The following HPCAL1 variants were observed in gnomAD, a reference collection of about 807,000 sequenced individuals.
HPCAL1 encodes the protein hippocalcin like 1, also known as hippocalcin-like protein 1.
Under a neutral mutation model 17.1 loss-of-function variants are expected in HPCAL1, and 8 were observed. The observed-to-expected ratio is 0.47, with a 90% CI of 0.27 to 0.84. The LOEUF is 0.84. Ranked by LOEUF, HPCAL1 falls within the 40% of genes least tolerant of loss-of-function variation. HPCAL1 has a pLI of 0.13. For synonymous variants in HPCAL1, 112 were observed against 111.4 expected (o/e 1.01, Z -0.03); for missense variants, 165 against 271.1 (o/e 0.61, Z 2.75).
At chr2:10,400,054 G>C (rs543209057) in intron 2 of HPCAL1, among the ~76,000 whole-genome samples, 38 of 152,334 alleles carry the variant, frequency 2.5e-4, no homozygotes, top group South Asian at 2.1e-4. Context: ...GTCGGTTTTG[G>C]ATAGAGTGCT....
At chr2:10,383,493 G>A (rs1668100653) in intron 1 of HPCAL1, among the ~76,000 whole-genome samples, 1 of 152,070 alleles carries the variant, frequency 6.6e-6, no homozygotes, top group Non-Finnish European at 1.5e-5. Context: ...CTGCCAAGTA[G>A]CTGCGATTAC....
intron 1 of HPCAL1, among the ~76,000 whole-genome samples, chr2:10,326,041 G>A (rs1271422828): frequency 6.6e-6 from 1 of 152,246 alleles, no homozygotes; most frequent in Admixed American, 6.5e-5. Flanking sequence ...CCACGAGGCT[G>A]CAGAGGGCCA....
chr2:10,414,159 A>C (rs945528038), intron 2 of HPCAL1, among the ~76,000 whole-genome samples: 1 of 152,244 alleles, frequency 6.6e-6, no homozygotes, highest in Admixed American at 6.5e-5. Context: ...CCCACAGGCC[A>C]TGGTTGCTGC....
intron 1 of HPCAL1, among the ~76,000 whole-genome samples, chr2:10,373,071 C>T (rs1029958596): frequency 1.1e-4 from 16 of 152,356 alleles, no homozygotes; most frequent in East Asian, 9.6e-4. Context: ...CTCAGCCACA[C>T]GGCTGTGCAG....
intron 2 of HPCAL1, among the ~76,000 whole-genome samples, chr2:10,411,751 G>A (rs890945712): frequency 5.9e-5 from 9 of 152,220 alleles, no homozygotes; most frequent in Admixed American, 5.9e-4. Flanking sequence ...CCAAGGACAG[G>A]CTGATGTTTC....
chr2:10,399,474 ATCACCACCATCACCG>A, intron 2 of HPCAL1, among the ~76,000 whole-genome samples: 1 of 137,388 alleles, frequency 7.3e-6, no homozygotes, highest in Non-Finnish European at 1.6e-5. Context: ...CATCACCATC[ATCACCACCATCACCG>A]CCACCATCAC....
At chr2:10,391,894 G>A (rs770247703) in intron 1 of HPCAL1, among the ~76,000 whole-genome samples, 49 of 151,746 alleles carry the variant, frequency 3.2e-4, no homozygotes, top group African/African-American at 9.7e-4. Flanking sequence ...GATTACAGGC[G>A]CGTGCCACCA....
At chr2:10,412,897 C>T (rs547064229) in intron 2 of HPCAL1, among the ~76,000 whole-genome samples, 2 of 152,250 alleles carry the variant, frequency 1.3e-5, no homozygotes, top group East Asian at 1.9e-4. Flanking sequence ...GTCATAGGCA[C>T]AGTCTTTCTT....
At chr2:10,421,578 G>GTA (rs1329601201) in intron 3 of HPCAL1, among the ~76,000 whole-genome samples, 1 of 152,190 alleles carries the variant, frequency 6.6e-6, no homozygotes, top group African/African-American at 2.4e-5. Flanking sequence ...GCATGCACCT[G>GTA]TAGTCCCAGC....
At chr2:10,324,989 T>A (rs1339660145) in intron 1 of HPCAL1, among the ~76,000 whole-genome samples, 1 of 113,180 alleles carries the variant, frequency 8.8e-6, no homozygotes, top group Non-Finnish European at 1.9e-5. Flanking sequence ...CGCCCAGCAA[T>A]TTTTTTTTTT....
intron 2 of HPCAL1, among the ~76,000 whole-genome samples, chr2:10,403,161 G>C (rs189627841): frequency 6.6e-6 from 1 of 152,322 alleles, no homozygotes; most frequent in Admixed American, 6.5e-5. Flanking sequence ...CCCGGGGAGA[G>C]GGACACCAGT....
intron 1 of HPCAL1, among the ~76,000 whole-genome samples, chr2:10,370,203 C>A (rs1667123014): frequency 6.6e-6 from 1 of 152,242 alleles, no homozygotes; most frequent in Admixed American, 6.5e-5. Flanking sequence ...CTTCCCATTC[C>A]CCAAATCGCC....
intron 2 of HPCAL1, among the ~76,000 whole-genome samples, chr2:10,404,886 G>A (rs1047890442): frequency 1.3e-5 from 2 of 152,070 alleles, no homozygotes; most frequent in African/African-American, 2.4e-5. Flanking sequence ...AGAAGGGCTC[G>A]CCAGGCAGTG....
At chr2:10,379,146 G>A (rs980083675) in intron 1 of HPCAL1, among the ~76,000 whole-genome samples, 1 of 152,030 alleles carries the variant, frequency 6.6e-6, no homozygotes, top group African/African-American at 2.4e-5. Context: ...TGGCCAACAT[G>A]GTGAAACCCC....
intron 1 of HPCAL1, among the ~76,000 whole-genome samples, chr2:10,319,183 G>A (rs1663511833): frequency 6.6e-6 from 1 of 152,160 alleles, no homozygotes; most frequent in African/African-American, 2.4e-5. Context: ...GGGTTCCTGG[G>A]GCTTCCCTTG....
intron 2 of HPCAL1, among the ~76,000 whole-genome samples, chr2:10,408,279 TTCTCA>T (rs949543473): frequency 2.6e-5 from 4 of 151,694 alleles, no homozygotes; most frequent in African/African-American, 9.7e-5. Flanking sequence ...TCTCTCTCTC[TTCTCA>T]TATGTTATGT....
rs1670906758 is a variant in HPCAL1 at position 10,419,634 on chromosome 2, GC to G, written c.-24-99del. On this transcript the variant is annotated intron_variant, in intron 2 of 4. Transcript: ENST00000307845. The surrounding 1 kb of genome is among the most constrained non-coding windows in gnomAD (Gnocchi z 5.0). ...GGGACCCGGGAGTTGCTGAGTCGCA[GC>G]GCTTGCACAGCGATGGGCTTATTTG... 1.7e-6 allele frequency: 2 copies of G among 1,195,376 alleles called. No homozygotes were observed. The highest frequency in any genetic ancestry group is 2.3e-6 in the Non-Finnish European group (2 of 874,252). The allele number at this position is 1,195,376 out of a possible 1,614,324, so 74.0% of individuals were successfully genotyped here.
At chr2:10,372,244 C>A (rs776834393) in intron 1 of HPCAL1, among the ~76,000 whole-genome samples, 8 of 152,204 alleles carry the variant, frequency 5.3e-5, no homozygotes, top group Non-Finnish European at 8.8e-5. Context: ...CTGGGTGGTG[C>A]CCTGTGCTGT....
At position 10,382,159 on chromosome 2, in the gene HPCAL1, G is replaced by A. The variant is rs556515056; in HGVS notation, c.-110-14676G>A. On this transcript the variant is annotated intron_variant, in intron 1 of 4. Transcript: ENST00000307845. ...GACATGGGGGAACTCATCTGCATAT[G>A]AGTAGGTGAGAGAAGCCAATCTGAA... Among the ~76,000 whole-genome samples the A allele has an allele frequency of 1.1e-4, 17 of 152,334 alleles. No individual in the cohort carries two copies. In the South Asian group the frequency reaches 2.5e-3, roughly 22 times the overall value.
Sources: gnomAD v4.1 joint callset for allele counts (sites outside exome capture counted in the v4.1 genomes callset) on GRCh38, gnomAD v4.1.1 for gene constraint, Gnocchi (gnomAD v3.1) non-coding constraint, MANE v1.5 for transcripts, NCBI Gene and HGNC (gene_info 2026-07-23, HGNC 2026-07-21) for gene names.